MKLN1: variants seen among roughly 807,000 people sequenced by gnomAD.
MKLN1 encodes the protein muskelin 1.
In MKLN1, 18 loss-of-function variants were observed where a neutral mutation model predicts 99.0. The ratio of observed to expected loss-of-function variants is 0.18; its 90% CI spans 0.13 to 0.27. The LOEUF (loss-of-function observed/expected upper bound fraction) is 0.27. Ranked by LOEUF, MKLN1 falls within the 10% of genes least tolerant of loss-of-function variation. The pLI is 1.00. For missense variants in MKLN1, 621 were observed against 875.9 expected (o/e 0.71, Z 3.67); for synonymous variants, 288 against 293.2 (o/e 0.98, Z 0.18).
intron 2 of MKLN1, among the ~76,000 whole-genome samples, chr7:131,162,491 G>A (rs904197512): frequency 8.5e-5 from 13 of 152,130 alleles, no homozygotes; most frequent in African/African-American, 3.1e-4. Context: ...TTGAGATAGT[G>A]ACACCTTTGG....
intron 3 of MKLN1, among the ~76,000 whole-genome samples, chr7:131,248,888 C>T (rs1421011610): frequency 4.6e-5 from 7 of 152,170 alleles, no homozygotes; most frequent in African/African-American, 1.4e-4. Flanking sequence ...TCTCTGGGAA[C>T]AAGAATCCAT....
chr7:131,242,890 T>A lies in MKLN1; in HGVS notation c.-179+39916T>A, dbSNP rs143988408. ...GACAAAACTGTCATCAATAAGGATG[T>A]CTTCAGAGACCCTACTCTTAAACAC... On this transcript the variant is annotated intron_variant, in intron 3 of 7. Transcript: ENST00000416992. 3.4e-3 allele frequency: 2,275 copies of A among 670,058 alleles called. 4 individuals are homozygous for A. Among genetic ancestry groups the A allele is most frequent in the Non-Finnish European group, 4.9e-3 (1,743 of 352,640 alleles). 41.5% of individuals were successfully genotyped at this position (670,058 alleles called of 1,614,324 possible).
chr7:131,184,774 G>A (rs765247426), intron 2 of MKLN1, among the ~76,000 whole-genome samples: 3 of 152,080 alleles, frequency 2.0e-5, no homozygotes, highest in South Asian at 2.1e-4. Context: ...TGATCTGCCC[G>A]CCTTGGCCTC....
At chr7:131,391,815 G>C (rs964669436) in intron 4 of MKLN1, among the ~76,000 whole-genome samples, 1 of 152,158 alleles carries the variant, frequency 6.6e-6, no homozygotes, top group South Asian at 2.1e-4. Context: ...AGAAATGATT[G>C]CATTTTGGAT....
chr7:131,198,788 A>G (rs1346000403), intron 2 of MKLN1, among the ~76,000 whole-genome samples: 1 of 152,228 alleles, frequency 6.6e-6, no homozygotes, highest in Admixed American at 6.5e-5. Flanking sequence ...AACACAAAAT[A>G]TTACAAAGAA....
chr7:131,384,546 G>GT (rs1316025738), intron 2 of MKLN1, among the ~76,000 whole-genome samples: 2 of 152,098 alleles, frequency 1.3e-5, no homozygotes, highest in East Asian at 3.9e-4. Flanking sequence ...TGACACTGTA[G>GT]TTTAAGACTT....
intron 3 of MKLN1, among the ~76,000 whole-genome samples, chr7:131,212,992 T>C (rs1173884670): frequency 6.6e-6 from 1 of 152,032 alleles, no homozygotes; most frequent in Non-Finnish European, 1.5e-5. Flanking sequence ...TAGGGTTTGT[T>C]TGTGAAAAGT....
chr7:131,365,876 A>G (rs994953731), intron 1 of MKLN1, among the ~76,000 whole-genome samples: 1 of 152,118 alleles, frequency 6.6e-6, no homozygotes, highest in Non-Finnish European at 1.5e-5. Context: ...TTGTTCTGAT[A>G]CGGTATTACC....
chr7:131,464,237 A>G (rs983017870), intron 13 of MKLN1, 57 bp from the exon 14 acceptor site: 4 of 1,039,326 alleles, frequency 3.8e-6, no homozygotes, highest in South Asian at 3.3e-5. Context: ...TGCTTGCTAC[A>G]GTTGTATTAT....
chr7:131,444,949 A>G (rs891699536), intron 11 of MKLN1, among the ~76,000 whole-genome samples: 1 of 151,852 alleles, frequency 6.6e-6, no homozygotes, highest in Non-Finnish European at 1.5e-5. Flanking sequence ...TGCCTGGCCT[A>G]TTTTTGTGTC....
chr7:131,319,277 A>G (rs1052827043), intron 3 of MKLN1, among the ~76,000 whole-genome samples: 7 of 152,254 alleles, frequency 4.6e-5, no homozygotes, highest in Admixed American at 4.6e-4. Context: ...ATTGGGGTGC[A>G]AGGCTGGTTC....
chr7:131,397,350 C>G lies in MKLN1; in HGVS notation c.484C>G (p.Gln162Glu), dbSNP rs747077092. The G allele has an allele frequency of 8.1e-6, 13 of 1,610,108 alleles. No individual in the cohort carries two copies. In the East Asian group the frequency reaches 2.9e-4, roughly 36 times the overall value. ...TGGCATTGATGATCCTGATATAGTA[C>G]AACCTTGTCTCAACTGGTATAGCAA... ...LSGIDDPDIV[Q>E]PCLNWYSKYR... The change falls in exon 5 of 18, where the codon CAA becomes GAA. Residue 162 changes from glutamine to glutamate, a missense_variant. Gln to Glu is a conservative substitution (Grantham distance 29, BLOSUM62 2). Transcript: ENST00000352689.
intron 1 of MKLN1, among the ~76,000 whole-genome samples, chr7:131,350,370 A>G (rs974318771): frequency 2.0e-5 from 3 of 151,968 alleles, no homozygotes; most frequent in East Asian, 1.9e-4. Flanking sequence ...TTCGTTATCT[A>G]TTAATCCATA....
At chr7:131,450,893 A>ACAGAT (rs1796158763) in intron 12 of MKLN1, among the ~76,000 whole-genome samples, 1 of 152,230 alleles carries the variant, frequency 6.6e-6, no homozygotes, top group Non-Finnish European at 1.5e-5. Flanking sequence ...TTCAAAACCT[A>ACAGAT]TACAAAGATC....
intron 17 of MKLN1, among the ~76,000 whole-genome samples, chr7:131,485,853 G>A (rs1403057179): frequency 1.3e-5 from 2 of 152,104 alleles, no homozygotes; most frequent in Non-Finnish European, 2.9e-5. Context: ...TAAATGCAGT[G>A]TGTGATCTTG....
chr7:131,377,187 T>G (rs1793690799), intron 2 of MKLN1, among the ~76,000 whole-genome samples: 1 of 152,216 alleles, frequency 6.6e-6, no homozygotes, highest in Non-Finnish European at 1.5e-5. Flanking sequence ...AAGGTATACA[T>G]ACCTTGGAGT....
At chr7:131,190,102 T>A (rs1796512564) in intron 2 of MKLN1, among the ~76,000 whole-genome samples, 1 of 152,078 alleles carries the variant, frequency 6.6e-6, no homozygotes, top group Admixed American at 6.6e-5. Flanking sequence ...TCCCTCCATC[T>A]CTCTGGATCC....
chr7:131,182,144 C>T (rs1232036830), intron 2 of MKLN1, among the ~76,000 whole-genome samples: 2 of 151,888 alleles, frequency 1.3e-5, no homozygotes, highest in Non-Finnish European at 2.9e-5. Flanking sequence ...CAAAAAAAAA[C>T]CCATCATAAA....
chr7:131,223,926 C>G (rs1289948004), intron 3 of MKLN1, among the ~76,000 whole-genome samples: 8 of 152,004 alleles, frequency 5.3e-5, no homozygotes, highest in Admixed American at 5.2e-4. Context: ...ACCACCACAC[C>G]TGACTAATTT....
Sources: gnomAD v4.1 joint callset for allele counts (sites outside exome capture counted in the v4.1 genomes callset) on GRCh38, gnomAD v4.1.1 for gene constraint, MANE v1.5 for transcripts, NCBI Gene and HGNC (gene_info 2026-07-23, HGNC 2026-07-21) for gene names.